Variants in PHC2 observed in about 807,000 individuals in gnomAD.
The protein encoded by PHC2 is polyhomeotic-like protein 2.
Under a neutral mutation model 87.4 loss-of-function variants are expected in PHC2, and 29 were observed. That is an observed-to-expected ratio of 0.33 (90% CI 0.25 to 0.45). The LOEUF (loss-of-function observed/expected upper bound fraction) is 0.45. Ranked by LOEUF, PHC2 falls within the 20% of genes least tolerant of loss-of-function variation. The probability of loss-of-function intolerance (pLI) is 1.00; values close to 1 mark genes in which losing one functional copy is unlikely to be tolerated. For missense variants in PHC2, 857 were observed against 1,136.7 expected, an observed-to-expected ratio of 0.75 and a Z score of 3.54; for synonymous variants, 438 against 461.7, an observed-to-expected ratio of 0.95 and a Z score of 0.66.
Position 33,381,278 on chromosome 1 carries a change from T to C in PHC2, c.-54-5685A>G, listed in dbSNP as rs149455169. 3.8e-3 allele frequency among the ~76,000 whole-genome samples: 576 copies of C among 152,272 alleles called. 1 individual carries two copies. The highest frequency in any genetic ancestry group is 0.013 in the African/African-American group (551 of 41,546). ...TCATGTCATATTTTCCCATAATACC[T>C]TGTGCTTCGTTCCATAGATGTTTGT... On this transcript the variant is annotated intron_variant, in intron 1 of 14. Coordinates refer to ENST00000683057, the MANE Select transcript of PHC2 (RefSeq NM_001385109.1).
rs1474107218 is a variant in PHC2 at position 33,324,733 on chromosome 1, T to A, written c.*132A>T. 4 of 956,652 alleles carry A rather than the reference T, an allele frequency of 4.2e-6. No homozygotes were observed. In the African/African-American group the frequency reaches 4.9e-5, roughly 12 times the overall value. The allele number at this position is 956,652 out of a possible 1,614,324, so 59.3% of individuals were successfully genotyped here. A position where few individuals can be genotyped will look rare whatever the true frequency, so the allele number is the denominator to read the frequency against. ...CCATGGAGGAGGTGCCCAGACCTCC[T>A]CACCAGCTATGCCCCTAGGGAGAGC... On this transcript the variant is annotated 3_prime_UTR_variant, in exon 15 of 15. Coordinates refer to ENST00000683057, the MANE Select transcript of PHC2 (RefSeq NM_001385109.1).
intron 1 of PHC2, among the ~76,000 whole-genome samples, chr1:33,399,366 T>G (rs1649423943): frequency 6.6e-6 from 1 of 152,200 alleles, no homozygotes; most frequent in South Asian, 2.1e-4. Context: ...AGTCACATTA[T>G]CATTATCACT....
At chr1:33,421,897 A>G (rs1392537293) in intron 1 of PHC2, among the ~76,000 whole-genome samples, 1 of 152,186 alleles carries the variant, frequency 6.6e-6, no homozygotes, top group African/African-American at 2.4e-5. Context: ...GTTCTTTCTA[A>G]AAGGCGGATC....
At chr1:33,388,565 T>A (rs1022114769) in intron 1 of PHC2, among the ~76,000 whole-genome samples, 1 of 151,842 alleles carries the variant, frequency 6.6e-6, no homozygotes, top group Non-Finnish European at 1.5e-5. Flanking sequence ...CCTCAGGTGA[T>A]CTGCCCACCT....
chr1:33,403,137 T>TC (rs1266755098), intron 1 of PHC2, among the ~76,000 whole-genome samples: 16 of 131,134 alleles, frequency 1.2e-4, no homozygotes, highest in African/African-American at 2.9e-4. Flanking sequence ...TTTTTTTTTT[T>TC]TTTTTTTTGA....
chr1:33,367,024 A>T (rs1199293860), intron 7 of PHC2, 92 bp downstream of exon 7: 1 of 1,149,034 alleles, frequency 8.7e-7, no homozygotes, highest in Non-Finnish European at 1.2e-6. Context: ...TATCTTTGCA[A>T]ATCCATGGGA....
intron 1 of PHC2, among the ~76,000 whole-genome samples, chr1:33,414,019 G>GT (rs1241646306): frequency 1.3e-5 from 2 of 152,116 alleles, no homozygotes; most frequent in Non-Finnish European, 2.9e-5. Flanking sequence ...TCATCATTTA[G>GT]TATCTCTAGA....
intron 9 of PHC2, among the ~76,000 whole-genome samples, chr1:33,350,699 C>T (rs1457682810): frequency 6.6e-6 from 1 of 152,178 alleles, no homozygotes; most frequent in African/African-American, 2.4e-5. Context: ...TATTCGTTGC[C>T]TGCCTTTCTT....
At chr1:33,370,244 C>T (rs1273836572) in intron 5 of PHC2, among the ~76,000 whole-genome samples, 177 bp downstream of exon 5, 5 of 152,154 alleles carry the variant, frequency 3.3e-5, no homozygotes, top group African/African-American at 7.2e-5. Flanking sequence ...CATGACTCTT[C>T]GAGGCTGTAC....
Position 33,331,848 on chromosome 1 carries a change from A to G in PHC2, c.1892-386T>C. 1 of 288,092 alleles carries G rather than the reference A, an allele frequency of 3.5e-6. No individual in the cohort carries two copies. 17.8% of individuals were successfully genotyped at this position (288,092 alleles called of 1,614,324 possible). A position where few individuals can be genotyped will look rare whatever the true frequency, so the allele number is the denominator to read the frequency against. ...TGCAGCTGGCTGCTGACCCAGTAAA[A>G]GACCTCAGGAGCCCACGCTCCTGCA... On this transcript the variant is annotated intron_variant, in intron 11 of 14. Coordinates refer to ENST00000683057, the MANE Select transcript of PHC2 (RefSeq NM_001385109.1). This position sits in a 1 kb window ranked among gnomAD's most constrained non-coding sequence, Gnocchi z 5.2.
intron 1 of PHC2, among the ~76,000 whole-genome samples, chr1:33,408,621 C>T (rs71516344): frequency 0.17 from 26,142 of 151,932 alleles, 2,771 homozygotes; most frequent in South Asian, 0.27. Context: ...CCACCATAAC[C>T]GGCTAATTTT....
intron 9 of PHC2, chr1:33,350,490 C>G (rs1041126510): frequency 6.6e-6 from 1 of 152,316 alleles, no homozygotes; most frequent in Non-Finnish European, 1.5e-5. Context: ...GGTGAACCTG[C>G]GCTGTCGTGG....
intron 1 of PHC2, among the ~76,000 whole-genome samples, chr1:33,390,755 C>T (rs1356420215): frequency 1.3e-5 from 2 of 150,450 alleles, no homozygotes; most frequent in Admixed American, 1.3e-4. Context: ...CATATGGTCT[C>T]TGCTGCACAT....
intron 1 of PHC2, among the ~76,000 whole-genome samples, chr1:33,397,521 A>C (rs1394332299): frequency 1.3e-5 from 2 of 152,198 alleles, no homozygotes; most frequent in Admixed American, 6.5e-5. Context: ...AGAAAGGTTA[A>C]GTAACTTGCT....
intron 1 of PHC2, among the ~76,000 whole-genome samples, chr1:33,402,028 C>G (rs1463514570): frequency 6.6e-6 from 1 of 151,900 alleles, no homozygotes; most frequent in African/African-American, 2.4e-5. Context: ...TAATAACAAG[C>G]CTTACACTGA....
Position 33,324,667 on chromosome 1 carries a change from A to T in PHC2, c.*198T>A. 1 of 508,484 alleles carries T rather than the reference A, an allele frequency of 2.0e-6. No homozygotes were observed. Among genetic ancestry groups the T allele is most frequent in the Non-Finnish European group, 3.5e-6 (1 of 288,358 alleles). The allele number at this position is 508,484 out of a possible 1,614,324, so 31.5% of individuals were successfully genotyped here. A position where few individuals can be genotyped will look rare whatever the true frequency, so the allele number is the denominator to read the frequency against. ...TAAAGCCCCATCTTCTGTGCCACCT[A>T]CCTCTCTGCCCCTCCCACAGAAATG... is the stretch of plus-strand genomic sequence containing the variant. On this transcript the variant is annotated 3_prime_UTR_variant, in exon 15 of 15. Transcript: ENST00000683057.
chr1:33,335,861 C>A (rs530808619), intron 9 of PHC2, among the ~76,000 whole-genome samples: 212 of 151,840 alleles, frequency 1.4e-3, no homozygotes, highest in African/African-American at 4.9e-3. Flanking sequence ...GATCTCGCCA[C>A]CCCCCTCCAG....
At chr1:33,375,211 G>T (rs369808798) in intron 2 of PHC2, among the ~76,000 whole-genome samples, 155 bp downstream of exon 2, 1 of 152,158 alleles carries the variant, frequency 6.6e-6, no homozygotes, top group Non-Finnish European at 1.5e-5. Context: ...TTCACCCCCT[G>T]TAACTATACA....
chr1:33,382,810 G>T lies in PHC2; in HGVS notation c.-54-7217C>A, dbSNP rs1648553278. Among the ~76,000 whole-genome samples the T allele has an allele frequency of 1.3e-5, 2 of 152,192 alleles. No homozygotes were observed. The highest frequency in any genetic ancestry group is 4.8e-5 in the African/African-American group (2 of 41,450). On this transcript the variant is annotated intron_variant, in intron 1 of 14. Transcript: ENST00000683057. The surrounding 1 kb of genome is among the most constrained non-coding windows in gnomAD (Gnocchi z 4.3). ...CAAGTCTACGAAACACTAGGCCTTT[G>T]TCCCCAGTGTCAGGGAAATCCATTT...
Sources: allele counts gnomAD v4.1 joint callset (sites outside exome capture counted in the v4.1 genomes callset), GRCh38; gene constraint gnomAD v4.1.1; non-coding constraint Gnocchi (gnomAD v3.1); transcripts MANE v1.5; gene names NCBI Gene and HGNC (gene_info 2026-07-23, HGNC 2026-07-21).